The following INO80 variants were observed in gnomAD, a reference collection of about 807,000 sequenced individuals.
INO80 encodes chromatin-remodeling ATPase INO80.
Under a neutral mutation model 203.4 loss-of-function variants are expected in INO80, and 20 were observed. That is an observed-to-expected ratio of 0.10 (90% CI 0.07 to 0.14). The LOEUF (loss-of-function observed/expected upper bound fraction) is 0.14. Among genes scored for constraint, INO80 ranks in the 10% least tolerant of loss-of-function variants. The probability of loss-of-function intolerance (pLI) is 1.00; values close to 1 mark genes in which losing one functional copy is unlikely to be tolerated. For missense variants in INO80, 1,419 were observed against 1,914.4 expected (o/e 0.74, Z 4.83); for synonymous variants, 726 against 685.2 (o/e 1.06, Z -0.93).
chr15:41,055,110 C>CA, intron 18 of INO80, 137 bp downstream of exon 18: 1 of 464,562 alleles, frequency 2.2e-6, no homozygotes, highest in Non-Finnish European at 3.8e-6. Context: ...ATTTTATAAG[C>CA]AAAAAATGTG....
At chr15:41,079,572 A>C in intron 9 of INO80, 129 bp downstream of exon 9, 1 of 801,278 alleles carries the variant, frequency 1.2e-6, no homozygotes. Flanking sequence ...CCGCATCTCT[A>C]CCAAAAAAAA....
chr15:41,113,925 C>T (rs1041222318), intron 1 of INO80, among the ~76,000 whole-genome samples: 3 of 152,084 alleles, frequency 2.0e-5, no homozygotes, highest in African/African-American at 7.2e-5. Flanking sequence ...TGAAATAAAA[C>T]GTAGAGGAAA....
intron 26 of INO80, chr15:41,017,975 A>G (rs1206340147): frequency 1.3e-5 from 2 of 152,176 alleles, no homozygotes; most frequent in African/African-American, 2.4e-5. Context: ...TTTCATAACA[A>G]CTTTTAAGGT....
chr15:41,103,338 C>G (rs2045836111), intron 1 of INO80, among the ~76,000 whole-genome samples: 1 of 152,144 alleles, frequency 6.6e-6, no homozygotes, highest in African/African-American at 2.4e-5. Context: ...GTTCTTCTCA[C>G]TCTAATTCAT....
At chr15:41,079,164 C>T (rs963946700) in intron 9 of INO80, among the ~76,000 whole-genome samples, 3 of 151,810 alleles carry the variant, frequency 2.0e-5, no homozygotes, top group Non-Finnish European at 4.4e-5. Context: ...TAAAACAGTA[C>T]AGTAGGTGAA....
intron 1 of INO80, among the ~76,000 whole-genome samples, chr15:41,111,676 G>A (rs764824133): frequency 4.0e-5 from 6 of 151,710 alleles, no homozygotes; most frequent in African/African-American, 9.7e-5. Flanking sequence ...GGTGGTGCAC[G>A]CCTGTAATCC....
At chr15:41,065,885 A>G (rs1425533365) in intron 14 of INO80, among the ~76,000 whole-genome samples, 1 of 151,934 alleles carries the variant, frequency 6.6e-6, no homozygotes, top group Non-Finnish European at 1.5e-5. Flanking sequence ...GTGATTGCTT[A>G]GTGGGTAAAG....
intron 21 of INO80, 49 bp from the exon 22 acceptor site, chr15:41,048,325 G>T (rs113542701): frequency 1.5e-6 from 2 of 1,377,940 alleles, no homozygotes; most frequent in Non-Finnish European, 2.1e-6. Flanking sequence ...ATAAATAATG[G>T]AAAGTTAACT....
intron 28 of INO80, chr15:41,004,616 A>G (rs1187484891): frequency 6.6e-6 from 1 of 152,192 alleles, no homozygotes; most frequent in African/African-American, 2.4e-5. Flanking sequence ...AGCAGTAACC[A>G]GACTCTACCT....
intron 2 of INO80, 38 bp from the exon 3 acceptor site, chr15:41,095,966 C>T (rs760451410): frequency 1.3e-6 from 2 of 1,568,426 alleles, no homozygotes; most frequent in Non-Finnish European, 1.7e-6. Flanking sequence ...TACAGCTGAC[C>T]CAATAAAATA....
At chr15:41,083,449 T>C (rs1393788572) in intron 7 of INO80, among the ~76,000 whole-genome samples, 1 of 152,106 alleles carries the variant, frequency 6.6e-6, no homozygotes, top group Non-Finnish European at 1.5e-5. Flanking sequence ...CTCACACCTA[T>C]AATTCCAGCA....
At position 40,987,075 on chromosome 15, in the gene INO80, G is replaced by C. The variant is rs764156889; in HGVS notation, c.3832+16C>G. On this transcript the variant is annotated intron_variant, in intron 31 of 35. Coordinates refer to ENST00000648947, the MANE Select transcript of INO80 (RefSeq NM_017553.3). ...CAGATACGTGAGGGGAGTGTATAGAGGTTTAGAGTACATACGTTTCTTCTC... is the reference window on the plus strand; with the variant it reads ...CAGATACGTGAGGGGAGTGTATAGACGTTTAGAGTACATACGTTTCTTCTC... 6 of 1,460,110 alleles carry C rather than the reference G, an allele frequency of 4.1e-6. No individual in the cohort carries two copies. The Admixed American group carries it at 1.0e-4, about 24-fold the overall frequency. 90.4% of individuals were successfully genotyped at this position (1,460,110 alleles called of 1,614,324 possible). A position where few individuals can be genotyped will look rare whatever the true frequency, so the allele number is the denominator to read the frequency against.
chr15:41,027,568 T>A, intron 25 of INO80, 28 bp downstream of exon 25: 3 of 1,561,390 alleles, frequency 1.9e-6, no homozygotes, highest in Non-Finnish European at 2.6e-6. Context: ...TGCCATCTAT[T>A]TCATCTCTTC....
chr15:41,101,724 T>C (rs541597604), intron 1 of INO80, among the ~76,000 whole-genome samples: 1 of 152,012 alleles, frequency 6.6e-6, no homozygotes, highest in East Asian at 2.0e-4. Context: ...TAAGTTTTTT[T>C]GTATTTTAGT....
At chr15:41,049,212 C>T (rs192866743) in intron 21 of INO80, 75 bp downstream of exon 21, 1,032 of 1,282,606 alleles carry the variant, frequency 8.0e-4, no homozygotes, top group African/African-American at 2.3e-3. Flanking sequence ...ATTCTCTCCA[C>T]TAAATTTATC....
chr15:41,052,273 C>A (rs1308764372), intron 19 of INO80, among the ~76,000 whole-genome samples: 2 of 151,990 alleles, frequency 1.3e-5, no homozygotes, highest in Non-Finnish European at 2.9e-5. Context: ...TATTTATTAG[C>A]TAAAATCAGC....
intron 27 of INO80, among the ~76,000 whole-genome samples, chr15:41,007,699 T>C (rs2044068792): frequency 1.3e-5 from 2 of 148,156 alleles, no homozygotes; most frequent in East Asian, 4.0e-4. Flanking sequence ...TCTTAGCTCT[T>C]GAACTAAGAC....
intron 24 of INO80, among the ~76,000 whole-genome samples, chr15:41,036,185 A>AAAC (rs2044573038): frequency 2.1e-5 from 3 of 145,600 alleles, no homozygotes; most frequent in Admixed American, 6.9e-5. Flanking sequence ...AAAAAAAAAA[A>AAAC]CCCAAAAAAA....
At chr15:40,983,349 T>A in intron 34 of INO80, 1 of 457,518 alleles carries the variant, frequency 2.2e-6, no homozygotes, top group Non-Finnish European at 3.9e-6. Flanking sequence ...TTTAAATTTG[T>A]CCATTACAAA....
Sources: allele counts gnomAD v4.1 joint callset (sites outside exome capture counted in the v4.1 genomes callset), GRCh38; gene constraint gnomAD v4.1.1; transcripts MANE v1.5; gene names NCBI Gene and HGNC (gene_info 2026-07-23, HGNC 2026-07-21).